SCHIP1: variants seen among roughly 807,000 people sequenced by gnomAD.
The protein encoded by SCHIP1 is schwannomin-interacting protein 1.
Under a neutral mutation model 29.7 loss-of-function variants are expected in SCHIP1, and 8 were observed. That is an observed-to-expected ratio of 0.27 (90% confidence interval 0.16 to 0.49). The LOEUF (loss-of-function observed/expected upper bound fraction) is 0.49. Among genes scored for constraint, SCHIP1 ranks in the 20% least tolerant of loss-of-function variants. SCHIP1 has a pLI of 0.99. For missense variants in SCHIP1, 193 were observed against 294.6 expected (o/e 0.66, Z 2.52); for synonymous variants, 76 against 94.9 (o/e 0.80, Z 1.16).
the SCHIP1 span, among the ~76,000 whole-genome samples, chr3:159,350,682 T>A: frequency 2.0e-5 from 3 of 152,100 alleles, no homozygotes; most frequent in East Asian, 5.8e-4. Context: ...AAGATACAAA[T>A]ATATAGCAAA....
the SCHIP1 span, among the ~76,000 whole-genome samples, chr3:159,500,139 T>G: frequency 1.3e-5 from 2 of 151,834 alleles, no homozygotes; most frequent in Admixed American, 1.3e-4. Flanking sequence ...CAGTTTTTTG[T>G]TTTTTTGTTT....
chr3:159,281,269 A>C, the SCHIP1 span, among the ~76,000 whole-genome samples: 4 of 152,218 alleles, frequency 2.6e-5, no homozygotes, highest in Non-Finnish European at 5.9e-5. Context: ...GACCTGCTAG[A>C]ATCTGGGGAA....
the SCHIP1 span, among the ~76,000 whole-genome samples, chr3:159,710,898 G>T: frequency 6.6e-6 from 1 of 152,164 alleles, no homozygotes; most frequent in Non-Finnish European, 1.5e-5. Flanking sequence ...AGTGTGAGAA[G>T]TCAGCCCTTC....
chr3:159,645,489 T>G, the SCHIP1 span, among the ~76,000 whole-genome samples: 8 of 152,310 alleles, frequency 5.3e-5, no homozygotes, highest in Non-Finnish European at 1.0e-4. Context: ...CCATTTTACA[T>G]GCTAGAATGG....
chr3:159,755,060 C>T, the SCHIP1 span, among the ~76,000 whole-genome samples: 4 of 152,162 alleles, frequency 2.6e-5, no homozygotes, highest in African/African-American at 9.6e-5. Context: ...ACAGTGAAAC[C>T]CCGTCTCTAC....
the SCHIP1 span, among the ~76,000 whole-genome samples, chr3:159,524,930 T>C: frequency 1.3e-5 from 2 of 152,162 alleles, no homozygotes; most frequent in Non-Finnish European, 2.9e-5. Context: ...ACCCCACCCC[T>C]AGCCACCATC....
At chr3:159,894,128 A>C (rs1008618142) in intron 6 of SCHIP1, 2 of 152,186 alleles carry the variant, frequency 1.3e-5, no homozygotes. Context: ...TGATGCCTGG[A>C]TCCTACCCCA....
the SCHIP1 span, among the ~76,000 whole-genome samples, chr3:159,307,191 A>G: frequency 1.3e-5 from 2 of 152,240 alleles, no homozygotes; most frequent in East Asian, 3.8e-4. Flanking sequence ...TTAGAGCAGG[A>G]CATAAAAGTT....
chr3:159,327,841 C>T, the SCHIP1 span, among the ~76,000 whole-genome samples: 3 of 152,194 alleles, frequency 2.0e-5, no homozygotes, highest in Non-Finnish European at 2.9e-5. Context: ...GAAAGGGTTC[C>T]AAGACAGCAA....
chr3:159,484,910 A>G, the SCHIP1 span, among the ~76,000 whole-genome samples: 1 of 152,150 alleles, frequency 6.6e-6, no homozygotes, highest in Admixed American at 6.6e-5. Context: ...GTTTTTCAGC[A>G]TGTTGGATTC....
At chr3:159,440,973 A>C in the SCHIP1 span, among the ~76,000 whole-genome samples, 2 of 152,298 alleles carry the variant, frequency 1.3e-5, no homozygotes, top group South Asian at 4.1e-4. Context: ...TTGTCAAGAG[A>C]CAAGAAAGTT....
At chr3:159,550,476 TA>T in the SCHIP1 span, among the ~76,000 whole-genome samples, 1 of 152,096 alleles carries the variant, frequency 6.6e-6, no homozygotes, top group African/African-American at 2.4e-5. Context: ...TTATCTCTAC[TA>T]AGACTTTTTG....
chr3:159,871,550 GA>G (rs1413382047), intron 2 of SCHIP1, among the ~76,000 whole-genome samples: 2 of 152,114 alleles, frequency 1.3e-5, no homozygotes, highest in African/African-American at 4.8e-5. Context: ...AATGAATGGT[GA>G]ACTTCACTAT....
the SCHIP1 span, among the ~76,000 whole-genome samples, chr3:159,717,337 C>G: frequency 1.3e-5 from 2 of 152,072 alleles, no homozygotes; most frequent in Admixed American, 1.3e-4. Context: ...GAAGCAAGAG[C>G]AAACACATTC....
chr3:159,325,150 TGAGACCTTATCC>T, the SCHIP1 span, among the ~76,000 whole-genome samples: 3 of 152,114 alleles, frequency 2.0e-5, no homozygotes, highest in Non-Finnish European at 4.4e-5. Flanking sequence ...TAGAAAGAAA[TGAGACCTTATCC>T]GAGACCTTAT....
the SCHIP1 span, among the ~76,000 whole-genome samples, chr3:159,555,964 G>A: frequency 6.6e-6 from 1 of 152,148 alleles, no homozygotes; most frequent in African/African-American, 2.4e-5. Flanking sequence ...AATACCTAAT[G>A]TAGATGACAG....
chr3:159,418,370 G>A, the SCHIP1 span, among the ~76,000 whole-genome samples: 1 of 152,140 alleles, frequency 6.6e-6, no homozygotes, highest in African/African-American at 2.4e-5. Context: ...ATTTCTAGAG[G>A]TAGAAATGCT....
chr3:159,560,501 G>A, the SCHIP1 span, among the ~76,000 whole-genome samples: 1 of 152,272 alleles, frequency 6.6e-6, no homozygotes, highest in East Asian at 1.9e-4. Context: ...CTTTGTTTGG[G>A]TTTTCTAATA....
the SCHIP1 span, among the ~76,000 whole-genome samples, chr3:159,455,712 A>G: frequency 6.6e-6 from 1 of 152,198 alleles, no homozygotes; most frequent in East Asian, 1.9e-4. Context: ...TTCAGAGTCT[A>G]TTTTACTATC....
Sources: gnomAD v4.1 joint callset for allele counts (sites outside exome capture counted in the v4.1 genomes callset) on GRCh38, gnomAD v4.1.1 for gene constraint, MANE v1.5 for transcripts, NCBI Gene and HGNC (gene_info 2026-07-23, HGNC 2026-07-21) for gene names.